The following POLR2F variants were observed in gnomAD, a reference collection of about 807,000 sequenced individuals.
The protein encoded by POLR2F is DNA-directed RNA polymerases I, II, and III subunit RPABC2.
In POLR2F, 12 loss-of-function variants were observed where a neutral mutation model predicts 22.7. The ratio of observed to expected loss-of-function variants is 0.53; its 90% confidence interval spans 0.34 to 0.86. The LOEUF (loss-of-function observed/expected upper bound fraction) is 0.86. POLR2F is among the 40% of genes least tolerant of loss of function. POLR2F has a pLI of 0.02. For synonymous variants in POLR2F, 57 were observed against 66.0 expected, an observed-to-expected ratio of 0.86 and a Z score of 0.66; for missense variants, 126 against 171.5, an observed-to-expected ratio of 0.73 and a Z score of 1.48.
At chr22:37,993,218 G>A (rs1932755477) in intron 1 of POLR2F, among the ~76,000 whole-genome samples, 1 of 152,186 alleles carries the variant, frequency 6.6e-6, no homozygotes, top group Non-Finnish European at 1.5e-5. Context: ...TTCACCACTG[G>A]CAGGCAGCTG....
At chr22:38,008,892 A>C (rs904458483) in intron 1 of POLR2F, among the ~76,000 whole-genome samples, 12 of 152,028 alleles carry the variant, frequency 7.9e-5, no homozygotes, top group African/African-American at 2.4e-4. Flanking sequence ...GAAAAAAAGC[A>C]GTGCATTAAT....
intron 2 of POLR2F, among the ~76,000 whole-genome samples, chr22:37,958,873 G>T (rs1479415717): frequency 6.6e-6 from 1 of 152,212 alleles, no homozygotes; most frequent in African/African-American, 2.4e-5. Context: ...TGCTTAGTAA[G>T]TAATTGTTAA....
At chr22:38,041,156 TG>T (rs1336524360), downstream of POLR2F, 1 of 1,611,306 alleles carries the variant, frequency 6.2e-7, no homozygotes, top group Non-Finnish European at 8.5e-7. Flanking sequence ...AGAGCCAGGC[TG>T]GTGACTAGTG....
intron 1 of POLR2F, 106 bp from the exon 2 acceptor site, chr22:37,956,667 T>G (rs1408711730): frequency 1.1e-6 from 1 of 909,468 alleles, no homozygotes; most frequent in Non-Finnish European, 1.8e-6. Flanking sequence ...TCCGCCCACT[T>G]CAATCTCCGA....
At chr22:37,985,985 C>A, upstream of POLR2F, 2 of 1,143,692 alleles carry the variant, frequency 1.7e-6, no homozygotes, top group Non-Finnish European at 2.3e-6. Flanking sequence ...CCCCAGTTTT[C>A]CTCGACGCCA....
rs1932171960 is a variant in POLR2F at position 37,974,670 on chromosome 22, G to A, written c.293+7500G>A. On this transcript the variant is annotated intron_variant, in intron 4 of 4. Coordinates refer to the POLR2F transcript ENST00000405557. The surrounding 1 kb of genome is among the most constrained non-coding windows in gnomAD (Gnocchi z 5.4). ...GCCCCACAGCATTTGTTTAAATACT[G>A]GTGTCTTAGATTGATCTCTAGTTGT... Among the ~76,000 whole-genome samples, 4 of 152,196 alleles carry A rather than the reference G, an allele frequency of 2.6e-5. No individual in the cohort carries two copies. In the South Asian group the frequency reaches 8.3e-4, roughly 32 times the overall value.
intron 5 of POLR2F, among the ~76,000 whole-genome samples, chr22:38,036,858 T>G (rs2085121106): frequency 6.6e-6 from 1 of 152,066 alleles, no homozygotes; most frequent in South Asian, 2.1e-4. Flanking sequence ...AACAGCACAT[T>G]CCCTCTCAGG....
In POLR2F at chr22:37,986,900, G is replaced by A. The variant is rs1330665836; in HGVS notation, c.120+588G>A. ...TCCTGAAGAGCAGGGAGCTTGGAGAGGGGAGGGATCCTGGCTGAAGACACC... is the reference window on the plus strand; with the variant it reads ...TCCTGAAGAGCAGGGAGCTTGGAGAAGGGAGGGATCCTGGCTGAAGACACC... On this transcript the variant is annotated intron_variant, in intron 1 of 2. Coordinates refer to the POLR2F transcript ENST00000333418. This position sits in a 1 kb window ranked among gnomAD's most constrained non-coding sequence, Gnocchi z 4.7. 8 of 451,526 alleles carry A rather than the reference G, an allele frequency of 1.8e-5. No homozygotes were observed. In the East Asian group the frequency reaches 2.1e-4, roughly 12 times the overall value. The allele number at this position is 451,526 out of a possible 1,614,324, so 28.0% of individuals were successfully genotyped here.
chr22:38,018,275 G>A (rs989730088), intron 1 of POLR2F, among the ~76,000 whole-genome samples: 1 of 152,222 alleles, frequency 6.6e-6, no homozygotes, highest in Admixed American at 6.5e-5. Context: ...TTAGGATCAG[G>A]GCTATGTAGG....
At chr22:37,995,845 A>AG (rs1475735160) in intron 1 of POLR2F, among the ~76,000 whole-genome samples, 1 of 151,742 alleles carries the variant, frequency 6.6e-6, no homozygotes, top group African/African-American at 2.4e-5. Context: ...TTAAAAAAAA[A>AG]AAAAATCAGC....
downstream of POLR2F, chr22:37,973,796 G>C (rs1463674066): frequency 6.3e-7 from 1 of 1,595,518 alleles, no homozygotes; most frequent in African/African-American, 1.3e-5. Flanking sequence ...GGTGTAGTGT[G>C]GGGGCCCCTG....
chr22:37,973,894 G>T, downstream of POLR2F: 1 of 1,610,110 alleles, frequency 6.2e-7, no homozygotes, highest in Non-Finnish European at 8.5e-7. Context: ...GTGGCTTGGA[G>T]ATCCAGGCGG....
chr22:37,957,092 G>A (rs530250622), intron 2 of POLR2F, among the ~76,000 whole-genome samples: 19 of 152,164 alleles, frequency 1.2e-4, no homozygotes, highest in African/African-American at 4.1e-4. Context: ...CAAGTTAAAC[G>A]GTGCCTTCCT....
At chr22:38,025,808 A>T in intron 1 of POLR2F, 22 of 1,462,558 alleles carry the variant, frequency 1.5e-5, no homozygotes, top group Non-Finnish European at 2.1e-5. Flanking sequence ...GGCACTTTTC[A>T]TGGCCAGCAT....
chr22:38,012,493 A>G (rs2084879419), intron 1 of POLR2F, among the ~76,000 whole-genome samples: 1 of 152,244 alleles, frequency 6.6e-6, no homozygotes, highest in Non-Finnish European at 1.5e-5. Flanking sequence ...AAGATTTTAC[A>G]TAACTATGAT....
intron 1 of POLR2F, among the ~76,000 whole-genome samples, chr22:37,999,198 G>C (rs1436269249): frequency 1.3e-5 from 2 of 152,152 alleles, no homozygotes; most frequent in Admixed American, 1.3e-4. Flanking sequence ...CCCTGGGGAT[G>C]GTGCTGTGGA....
Position 37,959,368 on chromosome 22 carries a change from T to G in POLR2F, c.113T>G (p.Ile38Ser). ...AEEEGQENVE[I>S]LPSGERPQAN... The stretch of plus-strand genomic sequence containing the variant: ...CAGGAAGGCCAGGAGAATGTCGAGA[T>G]CCTCCCCTCTGGGGAGCGACCGCAG... Residue 38 changes from isoleucine (I) to serine (S), a missense_variant, in exon 3 of 5, where the codon ATC becomes AGC. Physicochemically the swap from Ile to Ser is moderately radical, Grantham distance 142 (BLOSUM62 -2). Transcript: ENST00000442738. 1 of 1,613,950 alleles carries G rather than the reference T, an allele frequency of 6.2e-7. No individual in the cohort carries two copies. The highest frequency in any genetic ancestry group is 1.6e-4 in the Middle Eastern group (1 of 6,062).
At chr22:37,967,044 TG>T (rs1931879972) in intron 3 of POLR2F, 54 bp from the exon 4 acceptor site, 11 of 1,335,206 alleles carry the variant, frequency 8.2e-6, no homozygotes, top group Non-Finnish European at 1.1e-5. Context: ...CACTGCCTGT[TG>T]GGCCCTTCTC....
chr22:37,963,476 G>A (rs1447234195), intron 3 of POLR2F, among the ~76,000 whole-genome samples: 1 of 152,052 alleles, frequency 6.6e-6, no homozygotes. Context: ...TTTTTGTAGA[G>A]ACAGGGTCTC....
Sources: gnomAD v4.1 joint callset for allele counts (sites outside exome capture counted in the v4.1 genomes callset) on GRCh38, gnomAD v4.1.1 for gene constraint, Gnocchi (gnomAD v3.1) non-coding constraint, MANE v1.5 for transcripts, NCBI Gene and HGNC (gene_info 2026-07-23, HGNC 2026-07-21) for gene names.